NRG1: variants seen among roughly 807,000 people sequenced by gnomAD.
NRG1 encodes neuregulin 1.
Under a neutral mutation model 63.8 loss-of-function variants are expected in NRG1, and 18 were observed. The ratio of observed to expected loss-of-function variants is 0.28; its 90% CI spans 0.19 to 0.42. The LOEUF is 0.42. Among genes scored for constraint, NRG1 ranks in the 10% least tolerant of loss-of-function variants. The pLI is 1.00. For synonymous variants in NRG1, 302 were observed against 301.3 expected, an observed-to-expected ratio of 1.00 and a Z score of -0.02; for missense variants, 762 against 814.7, an observed-to-expected ratio of 0.94 and a Z score of 0.79.
chr8:32,773,803 A>G (rs1335687237), intron 7 of NRG1, among the ~76,000 whole-genome samples: 1 of 152,110 alleles, frequency 6.6e-6, no homozygotes, highest in Non-Finnish European at 1.5e-5. Context: ...CCCACCTGAC[A>G]TAGGAGGCCC....
rs73673825 is a variant in NRG1 at position 32,270,284 on chromosome 8, A to C, written c.38-325544A>C. ...AAAACAGTAATTGTCCAAGCCGTCA[A>C]GGAGGGATCAGAAGCAGGCTTTGAT... On this transcript the variant is annotated intron_variant, in intron 1 of 10. Coordinates refer to the NRG1 transcript ENST00000519301. 9.0e-3 allele frequency among the ~76,000 whole-genome samples: 1,368 copies of C among 152,322 alleles called. 12 individuals are homozygous for C. The highest frequency in any genetic ancestry group is 0.03 in the African/African-American group (1,259 of 41,564).
chr8:32,741,301 T>A (rs1826256284), intron 6 of NRG1, among the ~76,000 whole-genome samples: 1 of 152,152 alleles, frequency 6.6e-6, no homozygotes, highest in South Asian at 2.1e-4. Context: ...CAAAATGACA[T>A]GTATTAAGTA....
In NRG1 at chr8:32,653,254, G is replaced by A. The variant is rs774591196; in HGVS notation, c.502+36369G>A. On this transcript the variant is annotated intron_variant, in intron 5 of 11. Transcript: ENST00000356819. ...AAAACAGTAGAGTGCCTGCCCTCAG[G>A]GAGCTTATGTTCTAGTGGATTTTAA... Among the ~76,000 whole-genome samples the A allele has an allele frequency of 5.9e-5, 9 of 152,126 alleles. No homozygotes were observed. The East Asian group carries it at 1.5e-3, about 26-fold the overall frequency.
intron 1 of NRG1, among the ~76,000 whole-genome samples, chr8:32,516,207 G>A (rs776338226): frequency 2.0e-5 from 3 of 152,112 alleles, no homozygotes; most frequent in Admixed American, 6.6e-5. Context: ...TCAAAGATCC[G>A]ATGGCTGTAG....
At chr8:31,648,121 ACT>A (rs1804459929) in intron 1 of NRG1, among the ~76,000 whole-genome samples, 1 of 58,414 alleles carries the variant, frequency 1.7e-5, no homozygotes, top group African/African-American at 9.0e-5. Context: ...AAATTTGACT[ACT>A]CTTTTTTTTT....
intron 1 of NRG1, among the ~76,000 whole-genome samples, chr8:32,247,290 G>A (rs1848675332): frequency 6.6e-6 from 1 of 152,020 alleles, no homozygotes; most frequent in South Asian, 2.1e-4. Flanking sequence ...AAAAGCCTTT[G>A]ATGACTCTCT....
At chr8:31,680,109 A>G (rs992672239) in intron 1 of NRG1, among the ~76,000 whole-genome samples, 10 of 152,152 alleles carry the variant, frequency 6.6e-5, no homozygotes, top group Non-Finnish European at 1.3e-4. Context: ...TACAAAAGAT[A>G]TGATTCTCCT....
intron 1 of NRG1, among the ~76,000 whole-genome samples, chr8:32,107,759 AT>A (rs1831466147): frequency 6.6e-6 from 1 of 152,184 alleles, no homozygotes; most frequent in Non-Finnish European, 1.5e-5. Context: ...AATCTTGTGA[AT>A]TTCAGAGGTG....
intron 5 of NRG1, among the ~76,000 whole-genome samples, chr8:32,665,468 A>C (rs1029407561): frequency 6.6e-6 from 1 of 152,198 alleles, no homozygotes. Flanking sequence ...TTTGTTCAAA[A>C]TATGAATTCT....
chr8:31,889,948 G>C (rs780734725), intron 1 of NRG1, among the ~76,000 whole-genome samples: 1 of 151,738 alleles, frequency 6.6e-6, no homozygotes, highest in Non-Finnish European at 1.5e-5. Context: ...TGTATATAAA[G>C]TGAAAAAAAA....
At chr8:31,897,860 C>CAAAAAAA (rs3052833) in intron 1 of NRG1, among the ~76,000 whole-genome samples, 11 of 146,850 alleles carry the variant, frequency 7.5e-5, no homozygotes, top group African/African-American at 2.8e-4. Context: ...ACTAAAAATA[C>CAAAAAAA]AAAAAAAAAA....
intron 5 of NRG1, among the ~76,000 whole-genome samples, chr8:32,655,975 T>C (rs1450831114): frequency 1.3e-5 from 2 of 152,122 alleles, no homozygotes; most frequent in African/African-American, 4.8e-5. Flanking sequence ...TTTTTATTGT[T>C]CCAAACTGGG....
At chr8:32,462,193 A>C (rs1034381015) in intron 1 of NRG1, among the ~76,000 whole-genome samples, 3 of 152,224 alleles carry the variant, frequency 2.0e-5, no homozygotes, top group Admixed American at 2.0e-4. Flanking sequence ...TACGAAAAGG[A>C]GAAATGTCTT....
chr8:32,284,172 A>G (rs1265490290), intron 1 of NRG1, among the ~76,000 whole-genome samples: 1 of 152,126 alleles, frequency 6.6e-6, no homozygotes, highest in Non-Finnish European at 1.5e-5. Flanking sequence ...TTTAGCAAGA[A>G]TCTTGCAAAG....
intron 1 of NRG1, among the ~76,000 whole-genome samples, chr8:31,815,984 G>A (rs1415877952): frequency 1.3e-5 from 2 of 151,928 alleles, no homozygotes; most frequent in African/African-American, 4.8e-5. Context: ...TGTATTCAGC[G>A]TTTGCTTATT....
chr8:32,582,948 G>A (rs1209480312), intron 1 of NRG1, among the ~76,000 whole-genome samples: 1 of 152,152 alleles, frequency 6.6e-6, no homozygotes, highest in Non-Finnish European at 1.5e-5. Context: ...CCTTCCTGGT[G>A]TCAGTCTGTA....
intron 5 of NRG1, among the ~76,000 whole-genome samples, chr8:32,726,543 C>A (rs1340713160): frequency 1.3e-5 from 2 of 151,880 alleles, no homozygotes; most frequent in African/African-American, 4.8e-5. Flanking sequence ...ATGCTGAGAT[C>A]AATGAAAGGG....
chr8:32,772,086 T>TATATATATATAA (rs1831864216), downstream of NRG1, among the ~76,000 whole-genome samples: 1 of 137,478 alleles, frequency 7.3e-6, no homozygotes, highest in African/African-American at 2.7e-5. Flanking sequence ...TATATATATA[T>TATATATATATAA]ATAAAATCCC....
At chr8:32,266,950 G>A (rs530687132) in intron 1 of NRG1, among the ~76,000 whole-genome samples, 2 of 152,046 alleles carry the variant, frequency 1.3e-5, no homozygotes, top group Admixed American at 1.3e-4. Flanking sequence ...TCAGGAGGCT[G>A]AGGCAGGAGA....
Sources: gnomAD v4.1 joint callset for allele counts (sites outside exome capture counted in the v4.1 genomes callset) on GRCh38, gnomAD v4.1.1 for gene constraint, MANE v1.5 for transcripts, NCBI Gene and HGNC (gene_info 2026-07-23, HGNC 2026-07-21) for gene names.